ZNF385D: variants seen among roughly 807,000 people sequenced by gnomAD.
The protein encoded by ZNF385D is zinc finger protein 385D.
Under a neutral mutation model 35.8 loss-of-function variants are expected in ZNF385D, and 15 were observed. That is an observed-to-expected ratio of 0.42 (90% CI 0.28 to 0.64). ZNF385D has a LOEUF of 0.64. Among genes scored for constraint, ZNF385D ranks in the 30% least tolerant of loss-of-function variants. ZNF385D has a pLI of 0.23. For missense variants in ZNF385D, 474 were observed against 494.6 expected (o/e 0.96, Z 0.39); for synonymous variants, 212 against 186.8 (o/e 1.13, Z -1.10).
chr3:21,897,297 T>G (rs1024150332), intron 3 of ZNF385D, among the ~76,000 whole-genome samples: 2 of 152,136 alleles, frequency 1.3e-5, no homozygotes, highest in African/African-American at 4.8e-5. Flanking sequence ...ATTGCCTGGG[T>G]GACTGATATT....
intron 3 of ZNF385D, among the ~76,000 whole-genome samples, chr3:22,088,617 A>T (rs551532746): frequency 6.6e-6 from 1 of 152,214 alleles, no homozygotes; most frequent in African/African-American, 2.4e-5. Flanking sequence ...GAACAGAGCA[A>T]TAACTTGTAG....
chr3:22,340,115 T>C (rs1280988187), intron 2 of ZNF385D, among the ~76,000 whole-genome samples: 2 of 152,162 alleles, frequency 1.3e-5, no homozygotes, highest in African/African-American at 2.4e-5. Context: ...TGAATGAAAA[T>C]AGAACATGAC....
chr3:22,024,774 A>G (rs1697435328), intron 3 of ZNF385D, among the ~76,000 whole-genome samples: 1 of 152,118 alleles, frequency 6.6e-6, no homozygotes, highest in Non-Finnish European at 1.5e-5. Context: ...GAACCAAGGA[A>G]CGTAACGAAG....
intron 1 of ZNF385D, among the ~76,000 whole-genome samples, chr3:21,741,614 G>A (rs545643862): frequency 7.7e-6 from 1 of 130,680 alleles, no homozygotes; most frequent in South Asian, 2.6e-4. Flanking sequence ...ATACAGGAAG[G>A]GCAGAATATT....
chr3:21,959,399 A>C (rs1386148397), intron 3 of ZNF385D, among the ~76,000 whole-genome samples: 3 of 152,154 alleles, frequency 2.0e-5, no homozygotes, highest in African/African-American at 7.2e-5. Context: ...AAGAGAAAAT[A>C]ATTTATAAAG....
At chr3:21,669,458 G>C (rs948338386) in intron 1 of ZNF385D, among the ~76,000 whole-genome samples, 1 of 152,160 alleles carries the variant, frequency 6.6e-6, no homozygotes, top group African/African-American at 2.4e-5. Context: ...GTACTAACTT[G>C]TGAATATGAA....
rs540020662 is a variant in ZNF385D, at chr3:21,889,356, C to T, written c.326-224328G>A. On this transcript the variant is annotated intron_variant, in intron 3 of 5. Coordinates refer to the ZNF385D transcript ENST00000494108. Reference sequence around the variant, plus strand: ...AAGATGGGGGAGGTGAGGCGCCAGACGACCTAGCCTGAATTAGCACTGTAA... The same window carrying T: ...AAGATGGGGGAGGTGAGGCGCCAGATGACCTAGCCTGAATTAGCACTGTAA... 7.9e-5 allele frequency among the ~76,000 whole-genome samples: 12 copies of T among 152,228 alleles called. No individual in the cohort carries two copies. The South Asian group carries it at 8.3e-4, about 11-fold the overall frequency.
At chr3:22,308,439 T>C (rs949769565) in intron 2 of ZNF385D, among the ~76,000 whole-genome samples, 3 of 152,100 alleles carry the variant, frequency 2.0e-5, no homozygotes, top group South Asian at 2.1e-4. Context: ...CTGCCTTTTT[T>C]TTCTTTTTTG....
intron 3 of ZNF385D, among the ~76,000 whole-genome samples, chr3:22,101,260 T>C (rs150295306): frequency 2.4e-3 from 363 of 152,186 alleles, no homozygotes; most frequent in Non-Finnish European, 4.0e-3. Context: ...TGTGGGAAAG[T>C]ACAAAATAAT....
At chr3:21,521,021 A>G (rs1370037269) in intron 3 of ZNF385D, among the ~76,000 whole-genome samples, 6 of 152,200 alleles carry the variant, frequency 3.9e-5, no homozygotes, top group Non-Finnish European at 5.9e-5. Context: ...CTCCTCCATA[A>G]GTCAAAGAAG....
chr3:22,034,774 A>T (rs1350178104), intron 3 of ZNF385D, among the ~76,000 whole-genome samples: 1 of 152,174 alleles, frequency 6.6e-6, no homozygotes. Context: ...AAGTATCATT[A>T]GGCATGGTAG....
chr3:21,710,198 C>T (rs1080020), intron 1 of ZNF385D, among the ~76,000 whole-genome samples: 49,350 of 152,030 alleles, frequency 0.32, 9,953 homozygotes, highest in African/African-American at 0.57. Context: ...GGAACAGTTT[C>T]ATATTTTGAT....
chr3:22,263,275 C>A (rs1272391518), intron 2 of ZNF385D, among the ~76,000 whole-genome samples: 6 of 152,162 alleles, frequency 3.9e-5, no homozygotes, highest in Non-Finnish European at 8.8e-5. Flanking sequence ...AGCAAAGCTG[C>A]CCATCTTGCT....
intron 2 of ZNF385D, among the ~76,000 whole-genome samples, chr3:22,342,015 T>C (rs56233621): frequency 0.29 from 44,285 of 151,636 alleles, 6,959 homozygotes; most frequent in African/African-American, 0.37. Context: ...GTGGCTCACG[T>C]CTGTAATCCC....
intron 2 of ZNF385D, among the ~76,000 whole-genome samples, chr3:22,228,307 C>T (rs1427726089): frequency 2.0e-5 from 3 of 152,196 alleles, no homozygotes; most frequent in African/African-American, 7.2e-5. Context: ...GGCCATAGCA[C>T]TGCCACCTTA....
chr3:21,974,352 G>A (rs1431600645), intron 3 of ZNF385D, among the ~76,000 whole-genome samples: 1 of 151,982 alleles, frequency 6.6e-6, no homozygotes, highest in Admixed American at 6.6e-5. Context: ...AAGTGGTGCT[G>A]GGAAAACTAG....
chr3:21,664,822 T>C (rs1353549517), intron 2 of ZNF385D, 64 bp downstream of exon 2: 9 of 1,607,240 alleles, frequency 5.6e-6, no homozygotes, highest in Admixed American at 1.7e-5. Context: ...GAACCAACCC[T>C]GGCCTTTAAG....
chr3:21,488,454 A>G lies in ZNF385D; in HGVS notation c.439+22407T>C, dbSNP rs547390699. Among the ~76,000 whole-genome samples the G allele has an allele frequency of 1.9e-3, 291 of 152,194 alleles. 1 individual carries two copies. The highest frequency in any genetic ancestry group is 2.2e-3 in the Non-Finnish European group (152 of 67,990). ...GTGACTTTCATAATGCTAATGTTGA[A>G]CTATCAGTTGAGGTGCCCAAAAGCA... On this transcript the variant is annotated intron_variant, in intron 4 of 7. Coordinates refer to ENST00000281523, the MANE Select transcript of ZNF385D (RefSeq NM_024697.3).
In ZNF385D at chr3:22,202,218, A is replaced by C. The variant is rs545935307; in HGVS notation, c.107-33183T>G. Among the ~76,000 whole-genome samples the C allele has an allele frequency of 3.3e-5, 5 of 152,246 alleles. No individual in the cohort carries two copies. In the Middle Eastern group the frequency reaches 0.01, roughly 311 times the overall value. ...CTGATTTCACATACAGCACTTAAGAAAGCTCATAGAAGAACCTATCAATAA... is the reference window on the plus strand; with the variant it reads ...CTGATTTCACATACAGCACTTAAGACAGCTCATAGAAGAACCTATCAATAA... On this transcript the variant is annotated intron_variant, in intron 2 of 5. Transcript: ENST00000494108.
Sources: allele counts gnomAD v4.1 joint callset (sites outside exome capture counted in the v4.1 genomes callset), GRCh38; gene constraint gnomAD v4.1.1; transcripts MANE v1.5; gene names NCBI Gene and HGNC (gene_info 2026-07-23, HGNC 2026-07-21).